Variants in TBXAS1 observed in about 807,000 individuals in gnomAD.
The protein encoded by TBXAS1 is thromboxane A synthase 1.
In TBXAS1, 48 loss-of-function variants were observed where a neutral mutation model predicts 60.7. The ratio of observed to expected loss-of-function variants is 0.79; its 90% CI spans 0.63 to 1.01. The LOEUF is 1.01. TBXAS1 is among the 50% of genes least tolerant of loss of function. The pLI is 0.00. For synonymous variants in TBXAS1, 287 were observed against 269.7 expected (o/e 1.06, Z -0.63); for missense variants, 685 against 686.3 (o/e 1.00, Z 0.02).
At chr7:139,848,016 T>G (rs938355991) in intron 1 of TBXAS1, among the ~76,000 whole-genome samples, 35 of 152,072 alleles carry the variant, frequency 2.3e-4, no homozygotes, top group Admixed American at 2.3e-3. Context: ...GAGTGAGGTC[T>G]TGCTATATTT....
intron 3 of TBXAS1, chr7:139,906,011 AT>A: frequency 1.3e-5 from 3 of 226,944 alleles, no homozygotes; most frequent in Non-Finnish European, 1.8e-5. Context: ...TTTTGAGTTC[AT>A]TTTTTGCATA....
In TBXAS1 at chr7:139,887,112, G is replaced by A. The variant is rs545931331; in HGVS notation, c.236+11475G>A. On this transcript the variant is annotated intron_variant, in intron 3 of 12. Coordinates refer to ENST00000448866, the MANE Select transcript of TBXAS1 (RefSeq NM_001061.7). ...TAGGAGAAAGGTTTCATATGAGTAG[G>A]TGGGATGGGTTTTCATGCCTCTACA... 2.0e-5 allele frequency among the ~76,000 whole-genome samples: 3 copies of A among 152,262 alleles called. No homozygotes were observed. In the South Asian group the frequency reaches 6.2e-4, roughly 32 times the overall value.
chr7:139,847,153 A>G lies in TBXAS1; in HGVS notation c.89+17674A>G, dbSNP rs141260278. Among the ~76,000 whole-genome samples the G allele has an allele frequency of 5.9e-3, 894 of 152,344 alleles. 7 individuals are homozygous for G. Among genetic ancestry groups the G allele is most frequent in the South Asian group, 0.027 (130 of 4,832 alleles). On this transcript the variant is annotated intron_variant, in intron 1 of 12. Transcript: ENST00000448866. ...AAATCTATTTCTTGAAAAGTGCACA[A>G]TAAATCAAGCTTTAAACTCAATTTG...
At chr7:139,986,788 T>TGG in intron 9 of TBXAS1, among the ~76,000 whole-genome samples, 1 of 40,698 alleles carries the variant, frequency 2.5e-5, no homozygotes, top group South Asian at 1.1e-3. Context: ...TGTGTGTGTG[T>TGG]GTGTGTGTGT....
At chr7:140,009,098 G>A (rs1814317141) in intron 10 of TBXAS1, among the ~76,000 whole-genome samples, 1 of 152,238 alleles carries the variant, frequency 6.6e-6, no homozygotes, top group South Asian at 2.1e-4. Context: ...GAATAACAAA[G>A]GGGTTAGGCT....
At chr7:139,904,293 C>A (rs1321524391) in intron 3 of TBXAS1, among the ~76,000 whole-genome samples, 2 of 152,016 alleles carry the variant, frequency 1.3e-5, no homozygotes, top group African/African-American at 2.4e-5. Flanking sequence ...CTATTCTCTT[C>A]CATTGGTCTA....
At chr7:139,874,631 C>T (rs148171522) in intron 2 of TBXAS1, among the ~76,000 whole-genome samples, 137 of 152,252 alleles carry the variant, frequency 9.0e-4, no homozygotes, top group African/African-American at 3.1e-3. Flanking sequence ...CTTCATTCCA[C>T]CCCTTATGTA....
At chr7:139,895,657 G>T (rs1028814175) in intron 3 of TBXAS1, among the ~76,000 whole-genome samples, 48 of 152,360 alleles carry the variant, frequency 3.2e-4, no homozygotes, top group African/African-American at 1.1e-3. Flanking sequence ...CCAGAAGGGG[G>T]ATCTGGACGA....
At chr7:139,864,584 AAG>A (rs754393290) in intron 1 of TBXAS1, among the ~76,000 whole-genome samples, 2 of 152,176 alleles carry the variant, frequency 1.3e-5, no homozygotes, top group East Asian at 1.9e-4. Flanking sequence ...AAAGACAAAA[AAG>A]AGAATAAAAA....
At chr7:139,934,836 G>A (rs1016641511) in intron 4 of TBXAS1, among the ~76,000 whole-genome samples, 1 of 151,678 alleles carries the variant, frequency 6.6e-6, no homozygotes, top group Non-Finnish European at 1.5e-5. Context: ...TTTTTGAGAC[G>A]GAGTCTTGCT....
intron 4 of TBXAS1, among the ~76,000 whole-genome samples, chr7:139,927,341 A>T (rs1806972717): frequency 6.6e-6 from 1 of 151,846 alleles, no homozygotes; most frequent in Non-Finnish European, 1.5e-5. Flanking sequence ...TATCTTGCAA[A>T]TAATCTTGTA....
chr7:139,936,414 C>G (rs570166715), intron 5 of TBXAS1, 107 bp downstream of exon 5: 1 of 1,113,838 alleles, frequency 9.0e-7, no homozygotes, highest in East Asian at 2.4e-5. Flanking sequence ...GGTGACACAT[C>G]AAAATGCCTT....
At chr7:139,902,723 C>T (rs1804676708) in intron 3 of TBXAS1, among the ~76,000 whole-genome samples, 1 of 152,154 alleles carries the variant, frequency 6.6e-6, no homozygotes, top group African/African-American at 2.4e-5. Flanking sequence ...ACATCAGCAA[C>T]TTATAAATGA....
At chr7:139,876,918 G>A (rs1273579096) in intron 3 of TBXAS1, among the ~76,000 whole-genome samples, 2 of 152,168 alleles carry the variant, frequency 1.3e-5, no homozygotes, top group Non-Finnish European at 2.9e-5. Context: ...CTCATGTGGG[G>A]CACCAAGGCT....
In TBXAS1 at chr7:140,005,929, T is replaced by C. The variant is rs28533912; in HGVS notation, c.1135-1162T>C. Among the ~76,000 whole-genome samples the C allele has an allele frequency of 6.4e-3, 971 of 152,302 alleles. 17 individuals are homozygous for C. The highest frequency in any genetic ancestry group is 0.022 in the African/African-American group (924 of 41,556). On this transcript the variant is annotated intron_variant, in intron 9 of 12. Coordinates refer to ENST00000448866, the MANE Select transcript of TBXAS1 (RefSeq NM_001061.7). ...GGGTGATGCTGCTGCTGCTGACCCTTGCCCATCCCGGAGCTCACTTTGAGA... is the reference window on the plus strand; with the variant it reads ...GGGTGATGCTGCTGCTGCTGACCCTCGCCCATCCCGGAGCTCACTTTGAGA...
rs773135457 is a variant in TBXAS1 at position 139,872,310 on chromosome 7, C to T, written c.165C>T (p.Asn55=). 27 of 1,613,840 alleles carry T rather than the reference C, an allele frequency of 1.7e-5. No homozygotes were observed. In the South Asian group the frequency reaches 3.0e-4, roughly 18 times the overall value. ...RHPKPSPFIG[N]LTFFRQGFWE... ...CCAAGCCTTCTCCTTTCATTGGAAACTTGACATTTTTCCGCCAGGTAAGGG... is the reference window on the plus strand; with the variant it reads ...CCAAGCCTTCTCCTTTCATTGGAAATTTGACATTTTTCCGCCAGGTAAGGG... The change falls in exon 2 of 13, where the codon AAC becomes AAT. Residue 55 remains asparagine, a synonymous_variant. Coordinates refer to ENST00000448866, the MANE Select transcript of TBXAS1 (RefSeq NM_001061.7).
intron 3 of TBXAS1, among the ~76,000 whole-genome samples, chr7:139,883,698 T>C (rs1802867208): frequency 6.6e-6 from 1 of 152,234 alleles, no homozygotes; most frequent in Admixed American, 6.5e-5. Context: ...TTCTCTTAGA[T>C]GTAAAATGTG....
chr7:139,804,348 T>C (rs1377248419), intron 4 of TBXAS1, among the ~76,000 whole-genome samples: 2 of 152,254 alleles, frequency 1.3e-5, no homozygotes, highest in Non-Finnish European at 2.9e-5. Context: ...ACCCAATGCC[T>C]GTATCCCCAT....
At chr7:139,784,018 T>TG (rs1020123082) in intron 3 of TBXAS1, among the ~76,000 whole-genome samples, 2 of 151,298 alleles carry the variant, frequency 1.3e-5, no homozygotes, top group African/African-American at 2.4e-5. Context: ...TTTGTTTTTT[T>TG]TTTTTTTGTA....
Sources: allele counts gnomAD v4.1 joint callset (sites outside exome capture counted in the v4.1 genomes callset), GRCh38; gene constraint gnomAD v4.1.1; transcripts MANE v1.5; gene names NCBI Gene and HGNC (gene_info 2026-07-23, HGNC 2026-07-21).